The following GLRA2 variants were observed in gnomAD, a reference collection of about 807,000 sequenced individuals.
GLRA2 encodes glycine receptor subunit alpha-2.
In GLRA2, 11 loss-of-function variants were observed where a neutral mutation model predicts 31.6. The ratio of observed to expected loss-of-function variants is 0.35; its 90% CI spans 0.22 to 0.58. The LOEUF (loss-of-function observed/expected upper bound fraction) is 0.58, where lower values mean the gene tolerates loss of function less well. Ranked by LOEUF, GLRA2 falls within the 20% of genes least tolerant of loss-of-function variation. GLRA2 has a pLI of 0.84. For missense variants in GLRA2, 212 were observed against 351.8 expected (o/e 0.60, Z 3.18); for synonymous variants, 132 against 134.0 (o/e 0.99, Z 0.10).
chrX:14,602,954 C>T (rs1447939611), intron 4 of GLRA2, among the ~76,000 whole-genome samples: 18 of 111,321 alleles, frequency 1.6e-4, no homozygotes, highest in African/African-American at 5.9e-4. Context: ...GTAGTGGGAT[C>T]GCTGGAACAA....
the GLRA2 span, among the ~76,000 whole-genome samples, chrX:14,469,853 TA>T: frequency 3.3e-4 from 36 of 108,536 alleles, no homozygotes; most frequent in African/African-American, 9.0e-4. Flanking sequence ...AATAATAATT[TA>T]AAAAAAAACA....
intron 2 of GLRA2, among the ~76,000 whole-genome samples, chrX:14,560,319 A>C (rs2089710424): frequency 8.9e-6 from 1 of 112,208 alleles, no homozygotes; most frequent in Admixed American, 9.4e-5. Flanking sequence ...TTGTGACAAG[A>C]GAGAAAAATA....
At chrX:14,530,265 C>T (rs377135679) in intron 1 of GLRA2, 140 bp downstream of exon 1, 172 of 468,522 alleles carry the variant, frequency 3.7e-4, no homozygotes, top group Non-Finnish European at 5.6e-4. Context: ...TCATTTAAAA[C>T]GCCTAATAAT....
At chrX:14,563,480 G>A (rs777788778) in intron 2 of GLRA2, among the ~76,000 whole-genome samples, 33 of 112,357 alleles carry the variant, frequency 2.9e-4, no homozygotes, top group Non-Finnish European at 6.0e-4. Flanking sequence ...AAAACATTCA[G>A]CAAATTCTAG....
intron 4 of GLRA2, among the ~76,000 whole-genome samples, chrX:14,581,766 G>GCACA (rs57962541): frequency 0.051 from 4,672 of 90,816 alleles, 119 homozygotes; most frequent in African/African-American, 0.08. Context: ...ATTCAAGCAT[G>GCACA]CACACACACA....
At chrX:14,699,205 GT>G (rs1432786246) in intron 8 of GLRA2, among the ~76,000 whole-genome samples, 1 of 111,987 alleles carries the variant, frequency 8.9e-6, no homozygotes, top group Non-Finnish European at 1.9e-5. Flanking sequence ...ACCATGTGAA[GT>G]TATAACAACT....
intron 4 of GLRA2, among the ~76,000 whole-genome samples, chrX:14,595,193 A>T (rs940826658): frequency 9.0e-6 from 1 of 111,547 alleles, no homozygotes; most frequent in South Asian, 3.7e-4. Flanking sequence ...GGAATCTATC[A>T]ATTTATTTAC....
chrX:14,620,002 C>G (rs866885420), intron 7 of GLRA2, among the ~76,000 whole-genome samples: 1 of 93,898 alleles, frequency 1.1e-5, no homozygotes, highest in African/African-American at 3.9e-5. Context: ...GGCGCCCCCC[C>G]GTTTTTTTTT....
At chrX:14,678,196 G>T (rs1415663636) in intron 7 of GLRA2, among the ~76,000 whole-genome samples, 1 of 112,441 alleles carries the variant, frequency 8.9e-6, no homozygotes, top group African/African-American at 3.2e-5. Context: ...CACCAAGCTT[G>T]TGTTATGAAA....
intron 2 of GLRA2, among the ~76,000 whole-genome samples, chrX:14,573,030 T>C (rs760019995): frequency 3.6e-5 from 4 of 112,119 alleles, no homozygotes; most frequent in African/African-American, 1.3e-4. Context: ...TCAGTACATT[T>C]CTTTTCACAT....
At chrX:14,523,176 C>T in the GLRA2 span, among the ~76,000 whole-genome samples, 3 of 112,151 alleles carry the variant, frequency 2.7e-5, no homozygotes, top group Non-Finnish European at 5.6e-5. Flanking sequence ...TACTCGAGCA[C>T]GTTGCATTTT....
chrX:14,458,715 G>T, the GLRA2 span, among the ~76,000 whole-genome samples: 2 of 111,459 alleles, frequency 1.8e-5, no homozygotes, highest in Admixed American at 1.9e-4. Flanking sequence ...TTGTTGATGG[G>T]GTTGTTTGTT....
rs1309200875 is a variant in GLRA2, at chrX:14,608,970, ATG to A, written c.716-20_716-19del. 7.8e-6 allele frequency: 6 copies of A among 772,704 alleles called. No individual in the cohort carries two copies. In the Admixed American group the frequency reaches 1.1e-4, roughly 15 times the overall value. 63.7% of individuals were successfully genotyped at this position (772,704 alleles called of 1,213,427 possible). A position where few individuals can be genotyped will look rare whatever the true frequency, so the allele number is the denominator to read the frequency against. On this transcript the variant is annotated intron_variant, in intron 6 of 8. Transcript: ENST00000218075. Reference sequence around the variant, plus strand: ...AATATAAATTCAGGCTGGACTTTAAATGATCATTTCCTCCTTCTAGGAAAGTT... The same window carrying A: ...AATATAAATTCAGGCTGGACTTTAAAATCATTTCCTCCTTCTAGGAAAGTT...
the GLRA2 span, among the ~76,000 whole-genome samples, chrX:14,452,433 A>G: frequency 8.9e-6 from 1 of 112,545 alleles, no homozygotes; most frequent in Non-Finnish European, 1.9e-5. Flanking sequence ...AACCTACTGT[A>G]CCACTGCACA....
rs2090013275 is a variant in GLRA2, at chrX:14,581,311, C to T, written c.399C>T (p.Phe133=). The change falls in exon 4 of 9, where the codon TTC becomes TTT. Residue 133 remains phenylalanine (F), a synonymous_variant. Transcript: ENST00000218075. ...ACTCCATTTGGAAACCAGATTTGTT[C>T]TTTGCCAATGAGAAGGGTGCCAACT... ...MLDSIWKPDL[F]FANEKGANFH... The T allele has an allele frequency of 8.3e-7, 1 of 1,203,694 alleles. No individual in the cohort carries two copies.
chrX:14,558,317 T>C (rs111664777), intron 2 of GLRA2, among the ~76,000 whole-genome samples: 42 of 112,232 alleles, frequency 3.7e-4, no homozygotes, highest in African/African-American at 1.3e-3. Context: ...ATCACAATTA[T>C]CATCAAAGTA....
rs916407918 is a variant in GLRA2, at chrX:14,532,058, A to G, written c.69-181A>G. 3.6e-5 allele frequency among the ~76,000 whole-genome samples: 4 copies of G among 112,379 alleles called. No individual in the cohort carries two copies. In the South Asian group the frequency reaches 1.4e-3, roughly 41 times the overall value. ...TCAGGATTTATAGTTCTCATCATTT[A>G]AAGTTAACTTTAGAACATGTACAAG... On this transcript the variant is annotated intron_variant, in intron 1 of 8. Coordinates refer to ENST00000218075, the MANE Select transcript of GLRA2 (RefSeq NM_002063.4).
At chrX:14,451,167 A>G in the GLRA2 span, among the ~76,000 whole-genome samples, 1 of 112,208 alleles carries the variant, frequency 8.9e-6, no homozygotes, top group Non-Finnish European at 1.9e-5. Context: ...TGGAAACAAA[A>G]GAACATTTGC....
intron 7 of GLRA2, among the ~76,000 whole-genome samples, chrX:14,617,187 C>G (rs1320887364): frequency 9.0e-6 from 1 of 111,309 alleles, no homozygotes; most frequent in East Asian, 2.9e-4. Context: ...TGAACTCTTT[C>G]TCTTTCCATT....
Sources: gnomAD v4.1 joint callset for allele counts (sites outside exome capture counted in the v4.1 genomes callset) on GRCh38, gnomAD v4.1.1 for gene constraint, MANE v1.5 for transcripts, NCBI Gene and HGNC (gene_info 2026-07-23, HGNC 2026-07-21) for gene names.